Variants in DPYSL4 observed in about 807,000 individuals in gnomAD.
DPYSL4 encodes dihydropyrimidinase like 4, also known as dihydropyrimidinase-related protein 4.
DPYSL4 carries 43 observed loss-of-function variants against 63.4 expected under a neutral mutation model. The observed-to-expected ratio is 0.68, with a 90% CI of 0.53 to 0.88. The LOEUF is 0.88. DPYSL4 is among the 40% of genes least tolerant of loss of function. The pLI is 0.00. For missense variants in DPYSL4, 733 were observed against 819.5 expected, an observed-to-expected ratio of 0.89 and a Z score of 1.29; for synonymous variants, 353 against 331.7, an observed-to-expected ratio of 1.06 and a Z score of -0.70.
At chr10:132,187,273 C>T (rs2137492047) in intron 1 of DPYSL4, among the ~76,000 whole-genome samples, 171 bp downstream of exon 1, 1 of 151,618 alleles carries the variant, frequency 6.6e-6, no homozygotes, top group South Asian at 2.1e-4. Context: ...GCCCCAGGGT[C>T]CGAGAGTCCC....
chr10:132,203,433 CAA>C, intron 12 of DPYSL4: 1 of 391,006 alleles, frequency 2.6e-6, no homozygotes, highest in Non-Finnish European at 4.7e-6. Flanking sequence ...TGTGCACACA[CAA>C]GTGCACGTGG....
intron 7 of DPYSL4, 110 bp from the exon 8 acceptor site, chr10:132,198,741 C>A: frequency 6.6e-7 from 1 of 1,504,244 alleles, no homozygotes; most frequent in South Asian, 1.3e-5. Flanking sequence ...TCCTACTAGG[C>A]TGCCCTGAGC....
chr10:132,194,174 C>T (rs936247109), intron 3 of DPYSL4, among the ~76,000 whole-genome samples: 6 of 152,232 alleles, frequency 3.9e-5, no homozygotes, highest in Non-Finnish European at 2.9e-5. Flanking sequence ...CCCACTTCAT[C>T]TTGTTGGGAT....
chr10:132,192,528 G>GC (rs1282893823), intron 2 of DPYSL4, 130 bp from the exon 3 acceptor site: 1 of 1,423,816 alleles, frequency 7.0e-7, no homozygotes, highest in Non-Finnish European at 9.2e-7. Context: ...CCAGTGAGTG[G>GC]CCGGCCGTGC....
At chr10:132,204,804 T>A in intron 13 of DPYSL4, 35 bp from the exon 14 acceptor site, 1 of 1,566,720 alleles carries the variant, frequency 6.4e-7, no homozygotes, top group Non-Finnish European at 8.7e-7. Flanking sequence ...TGCCCCTGCC[T>A]CATTCTCCCC....
chr10:132,191,301 GT>G (rs1231577502), intron 2 of DPYSL4, among the ~76,000 whole-genome samples: 1 of 142,884 alleles, frequency 7.0e-6, no homozygotes, highest in Non-Finnish European at 1.5e-5. Context: ...TTGAAAGTAT[GT>G]TCCCACCTCT....
In DPYSL4 at chr10:132,187,098, T is replaced by C; in HGVS notation, c.35T>C (p.Ile12Thr). 1 of 1,432,552 alleles carries C rather than the reference T, an allele frequency of 7.0e-7. No individual in the cohort carries two copies. The highest frequency in any genetic ancestry group is 9.3e-7 in the Non-Finnish European group (1 of 1,069,852). 88.7% of individuals were successfully genotyped at this position (1,432,552 alleles called of 1,614,324 possible). ...CAGGGCAAGAAAAGCATCCCCCGGA[T>C]CACGGTGAGCCCGGTCCCGCTTCGC... Reference protein sequence around the residue: ...SFQGKKSIPRITSDRLLIRGG... With the variant: ...SFQGKKSIPRTTSDRLLIRGG... The change falls in exon 1 of 14, where the codon ATC (isoleucine) becomes ACC (threonine). Residue 12 changes from isoleucine (I) to threonine (T), a missense_variant. Coordinates refer to ENST00000338492, the MANE Select transcript of DPYSL4 (RefSeq NM_006426.3).
At chr10:132,198,534 C>G (rs1437120848) in intron 7 of DPYSL4, 51 bp downstream of exon 7, 7 of 1,526,486 alleles carry the variant, frequency 4.6e-6, no homozygotes, top group Non-Finnish European at 6.2e-6. Flanking sequence ...GCCCAGACCA[C>G]TGCTGCCTGG....
At position 132,195,008 on chromosome 10, in the gene DPYSL4, G is replaced by T; in HGVS notation, c.477G>T (p.Lys159Asn). 1 of 1,601,768 alleles carries T rather than the reference G, an allele frequency of 6.2e-7. No individual in the cohort carries two copies. The highest frequency in any genetic ancestry group is 8.5e-7 in the Non-Finnish European group (1 of 1,179,476). The change falls in exon 4 of 14, where the codon AAG becomes AAT. Residue 159 changes from lysine to asparagine, a missense_variant and splice_region_variant. Transcript: ENST00000338492. Reference sequence around the variant, plus strand: ...AGCTGGAGGCCCTGGTCAAGGAGAAGGGTGAGGGTGGCTGGAGGGGCTGGA... The same window carrying T: ...AGCTGGAGGCCCTGGTCAAGGAGAATGGTGAGGGTGGCTGGAGGGGCTGGA... ...KEELEALVKEKGVNSFLVFMA... is the reference protein window; with the variant it reads ...KEELEALVKENGVNSFLVFMA...
chr10:132,200,261 T>G, intron 8 of DPYSL4, 95 bp from the exon 9 acceptor site: 1 of 1,474,404 alleles, frequency 6.8e-7, no homozygotes, highest in Non-Finnish European at 9.3e-7. Context: ...GCAAGGAAAG[T>G]GAGGGGCAGT....
In DPYSL4 at chr10:132,192,241, G is replaced by A. The variant is rs935160023; in HGVS notation, c.129-417G>A. The A allele has an allele frequency of 5.3e-5, 49 of 917,266 alleles. No individual in the cohort carries two copies. The South Asian group carries it at 1.5e-3, about 28-fold the overall frequency. 56.8% of individuals were successfully genotyped at this position (917,266 alleles called of 1,614,324 possible). The stretch of plus-strand genomic sequence containing the variant: ...AGAGGTATGTTGGGTGGCTGTGGGC[G>A]AAAGCAGGACACCAGCTTCCACGTT... On this transcript the variant is annotated intron_variant, in intron 2 of 13. Coordinates refer to ENST00000338492, the MANE Select transcript of DPYSL4 (RefSeq NM_006426.3).
intron 10 of DPYSL4, 150 bp from the exon 11 acceptor site, chr10:132,201,795 TG>T (rs781036281): frequency 2.4e-6 from 2 of 824,858 alleles, no homozygotes; most frequent in Non-Finnish European, 1.8e-6. Context: ...TCCAACCTTG[TG>T]GGGGGCCTGG....
intron 3 of DPYSL4, 51 bp downstream of exon 3, chr10:132,192,893 C>T: frequency 3.9e-6 from 6 of 1,531,116 alleles, no homozygotes; most frequent in South Asian, 1.3e-5. Context: ...GTCTGCTGCC[C>T]CTCTCTCTGG....
At chr10:132,203,382 C>T (rs576750421) in intron 12 of DPYSL4, among the ~76,000 whole-genome samples, 149 of 152,314 alleles carry the variant, frequency 9.8e-4, no homozygotes, top group African/African-American at 3.4e-3. Flanking sequence ...CCCAGACCAC[C>T]AGGTGCTTCA....
rs2061922730 is a variant in DPYSL4, at chr10:132,194,906, G to A, written c.375G>A (p.Glu125=). The A allele has an allele frequency of 6.2e-7, 1 of 1,612,572 alleles. No individual in the cohort carries two copies. The highest frequency in any genetic ancestry group is 1.3e-5 in the African/African-American group (1 of 74,928). ...TGGCGGCCTACGAGCAGTGGCGGGA[G>A]CGGGCGGACAGCGCGGCCTGCTGCG... ...SLLAAYEQWR[E]RADSAACCDY... The change falls in exon 4 of 14, where the codon GAG becomes GAA. Residue 125 remains glutamate (E), a synonymous_variant. Coordinates refer to ENST00000338492, the MANE Select transcript of DPYSL4 (RefSeq NM_006426.3).
Position 132,192,760 on chromosome 10 carries a change from G to T in DPYSL4, c.231G>T (p.Gln77His), listed in dbSNP as rs371676749. 1.2e-6 allele frequency: 2 copies of T among 1,613,422 alleles called. No individual in the cohort carries two copies. The highest frequency in any genetic ancestry group is 2.2e-5 in the South Asian group (2 of 91,084). ...PGGVDVHTRL[Q>H]MPVLGMTPAD... ...GCGTTGACGTCCACACAAGGCTGCA[G>T]ATGCCTGTCCTGGGCATGACACCGG... is the stretch of plus-strand genomic sequence containing the variant. The change falls in exon 3 of 14, where the codon CAG becomes CAT. Residue 77 changes from glutamine to histidine, a missense_variant. Coordinates refer to ENST00000338492, the MANE Select transcript of DPYSL4 (RefSeq NM_006426.3).
chr10:132,195,689 G>A (rs1189345761), intron 4 of DPYSL4, among the ~76,000 whole-genome samples: 2 of 152,196 alleles, frequency 1.3e-5, no homozygotes, highest in African/African-American at 2.4e-5. Flanking sequence ...CTCAGAGGGT[G>A]ACGGTCATCA....
chr10:132,201,855 T>C (rs553165202), intron 10 of DPYSL4, 91 bp from the exon 11 acceptor site: 1 of 1,387,884 alleles, frequency 7.2e-7, no homozygotes, highest in East Asian at 2.3e-5. Context: ...GCATCCATCC[T>C]TGTGGGGTCC....
At chr10:132,191,361 C>T (rs2061873934) in intron 2 of DPYSL4, among the ~76,000 whole-genome samples, 1 of 144,094 alleles carries the variant, frequency 6.9e-6, no homozygotes, top group South Asian at 2.3e-4. Flanking sequence ...AGTATGTTCC[C>T]ACCTCTTGTG....
Sources: gnomAD v4.1 joint callset for allele counts (sites outside exome capture counted in the v4.1 genomes callset) on GRCh38, gnomAD v4.1.1 for gene constraint, MANE v1.5 for transcripts, NCBI Gene and HGNC (gene_info 2026-07-23, HGNC 2026-07-21) for gene names.